Variants in TRABD2A observed in about 807,000 individuals in gnomAD.
TRABD2A encodes the protein metalloprotease TIKI1.
Under a neutral mutation model 45.6 loss-of-function variants are expected in TRABD2A, and 43 were observed. The ratio of observed to expected loss-of-function variants is 0.94; its 90% CI spans 0.74 to 1.22. The LOEUF (loss-of-function observed/expected upper bound fraction) is 1.22, where lower values mean the gene tolerates loss of function less well. Among genes scored for constraint, TRABD2A ranks in the 50% most tolerant of loss-of-function variants. The pLI, the probability that TRABD2A is intolerant of heterozygous loss-of-function variation, is 0.00. For synonymous variants in TRABD2A, 269 were observed against 265.0 expected, an observed-to-expected ratio of 1.02 and a Z score of -0.15; for missense variants, 642 against 652.4, an observed-to-expected ratio of 0.98 and a Z score of 0.17.
rs1682836831 is a variant in TRABD2A, at chr2:84,870,426, A to G, written c.468T>C (p.Ile156=). 2 of 1,614,002 alleles carry G rather than the reference A, an allele frequency of 1.2e-6. No homozygotes were observed. The highest frequency in any genetic ancestry group is 2.7e-5 in the African/African-American group (2 of 75,038). The change falls in exon 2 of 7, where the codon ATT becomes ATC. Residue 156 remains isoleucine (I), a synonymous_variant. Transcript: ENST00000409520. ...GLYADYLFNA[I]AGNWERKRPV... ...GCCTCTTGCGCTCCCAGTTTCCGGCAATAGCATTGAAGAGGTAGTCTGCGT... is the reference window on the plus strand; with the variant it reads ...GCCTCTTGCGCTCCCAGTTTCCGGCGATAGCATTGAAGAGGTAGTCTGCGT...
At chr2:84,871,421 A>G (rs1222210603) in intron 1 of TRABD2A, among the ~76,000 whole-genome samples, 2 of 152,260 alleles carry the variant, frequency 1.3e-5, no homozygotes, top group African/African-American at 2.4e-5. Context: ...TGAAAGTCCA[A>G]TGCCTGGGTC....
At position 84,839,251 on chromosome 2, in the gene TRABD2A, G is replaced by A. The variant is rs770420366; in HGVS notation, c.889C>T (p.Arg297Cys). The A allele has an allele frequency of 2.5e-5, 41 of 1,613,688 alleles. No homozygotes were observed. The Admixed American group carries it at 2.8e-4, about 11-fold the overall frequency. The stretch of plus-strand genomic sequence containing the variant: ...TTCCGCTTGTAGATCAGCTCCCGGC[G>A]TAAGTAGCTGTCAATCTCCTGAGCA... ...ITAQEIDSYL[R>C]RELIYKRNER... The change falls in exon 4 of 7, where the codon CGC becomes TGC. Residue 297 changes from arginine (R) to cysteine (C), a missense_variant. By Grantham distance (180) the Arg-to-Cys change is radical. Coordinates refer to ENST00000409520, the MANE Select transcript of TRABD2A (RefSeq NM_001277053.2).
At chr2:84,856,021 C>T (rs1682291349) in intron 2 of TRABD2A, among the ~76,000 whole-genome samples, 2 of 152,342 alleles carry the variant, frequency 1.3e-5, no homozygotes, top group East Asian at 3.9e-4. Flanking sequence ...CCTCCCCGCA[C>T]TCAAACAAAG....
At chr2:84,879,737 C>G (rs1162912811) in intron 1 of TRABD2A, 1 of 341,550 alleles carries the variant, frequency 2.9e-6, no homozygotes, top group Non-Finnish European at 4.1e-6. Flanking sequence ...GTGCAGACTC[C>G]CCTCTCCAGC....
At chr2:84,822,506 C>T (rs56703690) in intron 6 of TRABD2A, among the ~76,000 whole-genome samples, 1 of 152,192 alleles carries the variant, frequency 6.6e-6, no homozygotes, top group Admixed American at 6.5e-5. Context: ...CCTCTCTCAT[C>T]TGCCCAAGTC....
At chr2:84,854,810 C>T (rs958425644) in intron 2 of TRABD2A, among the ~76,000 whole-genome samples, 5 of 152,216 alleles carry the variant, frequency 3.3e-5, no homozygotes, top group African/African-American at 1.2e-4. Context: ...CAAATTCACC[C>T]TTCCTGTCCT....
intron 1 of TRABD2A, chr2:84,875,029 T>C (rs764309748): frequency 9.8e-5 from 17 of 173,998 alleles, no homozygotes; most frequent in Non-Finnish European, 1.8e-4. Flanking sequence ...GGGCTGAATC[T>C]TGATGGCTGC....
chr2:84,869,762 T>G (rs1456224078), intron 2 of TRABD2A, among the ~76,000 whole-genome samples: 5 of 138,036 alleles, frequency 3.6e-5, no homozygotes, highest in African/African-American at 1.4e-4. Flanking sequence ...GGCAGATCAC[T>G]TGAGGTCAGG....
chr2:84,825,553 G>C (rs373746079), intron 5 of TRABD2A, among the ~76,000 whole-genome samples: 1 of 152,170 alleles, frequency 6.6e-6, no homozygotes, highest in Non-Finnish European at 1.5e-5. Context: ...TGAGCTCAGC[G>C]CAATGCCTGG....
chr2:84,872,192 G>GA (rs1682888482), intron 1 of TRABD2A, among the ~76,000 whole-genome samples: 1 of 152,304 alleles, frequency 6.6e-6, no homozygotes, highest in Admixed American at 6.5e-5. Flanking sequence ...CCGGAAATGT[G>GA]AAAATCTAGG....
At position 84,870,522 on chromosome 2, in the gene TRABD2A, C is replaced by G; in HGVS notation, c.372G>C (p.Lys124Asn). The G allele has an allele frequency of 1.2e-6, 2 of 1,614,000 alleles. No homozygotes were observed. Among genetic ancestry groups the G allele is most frequent in the Non-Finnish European group, 1.7e-6 (2 of 1,179,894 alleles). Residue 124 changes from lysine to asparagine, a missense_variant, in exon 2 of 7, where the codon AAG (lysine) becomes AAC (asparagine). Coordinates refer to ENST00000409520, the MANE Select transcript of TRABD2A (RefSeq NM_001277053.2). ...TGAGCTTGACATACTCCAGGTGGCG[C>G]TTGAGGCGGCAGTAGATGTCCCTGG... ...VLPRDIYCRL[K>N]RHLEYVKLMM...
intron 2 of TRABD2A, chr2:84,844,104 C>T (rs1681803720): frequency 6.6e-6 from 1 of 152,196 alleles, no homozygotes; most frequent in African/African-American, 2.4e-5. Flanking sequence ...GTGTTCCCAT[C>T]CTTCCCATCC....
At chr2:84,850,010 C>T (rs149332611) in intron 2 of TRABD2A, among the ~76,000 whole-genome samples, 1 of 152,314 alleles carries the variant, frequency 6.6e-6, no homozygotes, top group East Asian at 1.9e-4. Context: ...AAGAAATTCA[C>T]ATTTTAAGTT....
intron 1 of TRABD2A, among the ~76,000 whole-genome samples, chr2:84,874,071 T>C (rs1047703028): frequency 6.6e-6 from 1 of 152,190 alleles, no homozygotes; most frequent in Non-Finnish European, 1.5e-5. Context: ...TTTTGGTTTG[T>C]TTTTATCCAA....
chr2:84,855,996 G>C (rs998139740), intron 2 of TRABD2A, among the ~76,000 whole-genome samples: 1 of 152,100 alleles, frequency 6.6e-6, no homozygotes, highest in Non-Finnish European at 1.5e-5. Context: ...ACAGTGGCCC[G>C]CACCACCCCA....
intron 2 of TRABD2A, among the ~76,000 whole-genome samples, chr2:84,848,407 CAGACAGAT>C (rs1396203232): frequency 1.6e-3 from 232 of 141,488 alleles, no homozygotes; most frequent in South Asian, 2.6e-3. Flanking sequence ...GACAGACAGA[CAGACAGAT>C]AGATAGTCTC....
At chr2:84,823,489 A>G (rs1042043917) in intron 6 of TRABD2A, among the ~76,000 whole-genome samples, 1 of 152,174 alleles carries the variant, frequency 6.6e-6, no homozygotes, top group African/African-American at 2.4e-5. Flanking sequence ...AGGCTCGCCT[A>G]TCCACCTCTG....
At chr2:84,876,215 C>T (rs1181220878) in intron 1 of TRABD2A, among the ~76,000 whole-genome samples, 1 of 152,022 alleles carries the variant, frequency 6.6e-6, no homozygotes, top group Non-Finnish European at 1.5e-5. Flanking sequence ...AGGCCTGGGT[C>T]AGAGATGAAG....
At chr2:84,826,219 G>A (rs1003912760) in intron 5 of TRABD2A, among the ~76,000 whole-genome samples, 2 of 152,174 alleles carry the variant, frequency 1.3e-5, no homozygotes, top group African/African-American at 2.4e-5. Context: ...TCTATGGTTT[G>A]AAACAGTGGA....
Sources: allele counts gnomAD v4.1 joint callset (sites outside exome capture counted in the v4.1 genomes callset), GRCh38; gene constraint gnomAD v4.1.1; transcripts MANE v1.5; gene names NCBI Gene and HGNC (gene_info 2026-07-23, HGNC 2026-07-21).